The following GULP1 variants were observed in gnomAD, a reference collection of about 807,000 sequenced individuals.
The protein encoded by GULP1 is GULP PTB domain containing engulfment adaptor 1.
In GULP1, 19 loss-of-function variants were observed where a neutral mutation model predicts 40.9. The ratio of observed to expected loss-of-function variants is 0.46; its 90% CI spans 0.32 to 0.68. The LOEUF (loss-of-function observed/expected upper bound fraction) is 0.68. Among genes scored for constraint, GULP1 ranks in the 30% least tolerant of loss-of-function variants. The pLI, the probability that GULP1 is intolerant of heterozygous loss-of-function variation, is 0.03. For synonymous variants in GULP1, 119 were observed against 117.6 expected (o/e 1.01, Z -0.08); for missense variants, 312 against 362.2 (o/e 0.86, Z 1.12).
intron 2 of GULP1, among the ~76,000 whole-genome samples, chr2:188,457,500 T>C (rs913622139): frequency 2.0e-5 from 3 of 152,308 alleles, no homozygotes; most frequent in Non-Finnish European, 4.4e-5. Flanking sequence ...GCCATGATTG[T>C]GAGGCCTCCC....
chr2:188,305,097 G>A (rs2036827746), intron 1 of GULP1, among the ~76,000 whole-genome samples: 1 of 152,142 alleles, frequency 6.6e-6, no homozygotes, highest in African/African-American at 2.4e-5. Flanking sequence ...TCAAGCTGGA[G>A]TTCCCACGAT....
chr2:188,472,032 T>G (rs2060631045), intron 2 of GULP1, among the ~76,000 whole-genome samples: 1 of 152,236 alleles, frequency 6.6e-6, no homozygotes, highest in African/African-American at 2.4e-5. Context: ...ATATTTTCAC[T>G]GTATATACTA....
rs78542189 is a variant in GULP1, at chr2:188,409,758, C to T, written c.-45+25869C>T. 7.9e-3 allele frequency among the ~76,000 whole-genome samples: 1,205 copies of T among 152,168 alleles called. 3 individuals are homozygous for T. Among genetic ancestry groups the T allele is most frequent in the Middle Eastern group, 0.017 (5 of 294 alleles). On this transcript the variant is annotated intron_variant, in intron 2 of 11. Coordinates refer to ENST00000409830, the MANE Select transcript of GULP1 (RefSeq NM_016315.4). ...AACAGCATGTTAAAAGAATCATTCA[C>T]CATGATCAAGTGGGAATTTGTTTGG...
At chr2:188,572,060 A>G (rs568225762) in intron 9 of GULP1, among the ~76,000 whole-genome samples, 1 of 152,298 alleles carries the variant, frequency 6.6e-6, no homozygotes, top group South Asian at 2.1e-4. Flanking sequence ...TGCTCTGAGA[A>G]GAAGGTGGGT....
chr2:188,483,024 G>C (rs959443429), intron 3 of GULP1, among the ~76,000 whole-genome samples: 1 of 151,844 alleles, frequency 6.6e-6, no homozygotes, highest in Non-Finnish European at 1.5e-5. Context: ...TATTTGCAAA[G>C]AGTTAAAGAG....
chr2:188,514,762 A>G (rs2065009434), intron 4 of GULP1, among the ~76,000 whole-genome samples: 1 of 152,230 alleles, frequency 6.6e-6, no homozygotes, highest in South Asian at 2.1e-4. Context: ...GAGACTGTCA[A>G]TGAAATATTC....
intron 1 of GULP1, chr2:188,293,113 G>A (rs2034145930): frequency 6.6e-6 from 1 of 152,296 alleles, no homozygotes; most frequent in African/African-American, 2.4e-5. Context: ...GCGTGCCAAG[G>A]TAGAGTAAGG....
Position 188,323,864 on chromosome 2 carries a change from G to A in GULP1, c.-172+31698G>A, listed in dbSNP as rs73036447. On this transcript the variant is annotated intron_variant, in intron 1 of 11. Transcript: ENST00000409830. ...TTTTTAAGTGGAGGGGATTGCTGGC[G>A]TATCCTCTCAATTTTGCTCTCTCCT... Among the ~76,000 whole-genome samples the A allele has an allele frequency of 2.7e-3, 405 of 151,794 alleles. 2 individuals carry two copies. The highest frequency in any genetic ancestry group is 9.0e-3 in the African/African-American group (371 of 41,406).
intron 2 of GULP1, among the ~76,000 whole-genome samples, chr2:188,457,477 A>T (rs1401663617): frequency 6.6e-6 from 1 of 152,168 alleles, no homozygotes; most frequent in Non-Finnish European, 1.5e-5. Context: ...GTAGGATGTG[A>T]CTTGCTCCTG....
Position 188,480,456 on chromosome 2 carries a change from GT to G in GULP1, c.28+2736del, listed in dbSNP as rs548972577. 2.0e-3 allele frequency among the ~76,000 whole-genome samples: 300 copies of G among 147,618 alleles called. 1 individual carries two copies. The highest frequency in any genetic ancestry group is 3.2e-3 in the Non-Finnish European group (216 of 66,552). ...CCATCTTAAACCTAAACATAATTGT[GT>G]TTTTTTTTTAAATTAAATCTCCAAA... is the stretch of plus-strand genomic sequence containing the variant. On this transcript the variant is annotated intron_variant, in intron 3 of 11. Coordinates refer to ENST00000409830, the MANE Select transcript of GULP1 (RefSeq NM_016315.4).
intron 9 of GULP1, among the ~76,000 whole-genome samples, chr2:188,576,431 A>T (rs1034089742): frequency 5.3e-5 from 8 of 152,090 alleles, no homozygotes; most frequent in Admixed American, 5.2e-4. Context: ...TACCTTTAAT[A>T]TTTGCTTCCG....
chr2:188,358,977 T>G (rs2152350991), intron 1 of GULP1, among the ~76,000 whole-genome samples: 1 of 152,226 alleles, frequency 6.6e-6, no homozygotes, highest in African/African-American at 2.4e-5. Flanking sequence ...TATAGATTCT[T>G]TTTATTTTGG....
chr2:188,569,437 C>T (rs1576182885), intron 8 of GULP1, 82 bp downstream of exon 8: 1 of 800,320 alleles, frequency 1.2e-6, no homozygotes, highest in East Asian at 2.5e-5. Context: ...AATTTAGAAG[C>T]CCTGCCATTA....
At chr2:188,582,128 TA>T (rs555107916) in intron 9 of GULP1, among the ~76,000 whole-genome samples, 160 of 151,960 alleles carry the variant, frequency 1.1e-3, no homozygotes, top group African/African-American at 3.6e-3. Context: ...AATATTTCAG[TA>T]AAAAAAAGAT....
chr2:188,311,346 G>A (rs755034760), intron 1 of GULP1, among the ~76,000 whole-genome samples: 12 of 152,044 alleles, frequency 7.9e-5, no homozygotes, highest in South Asian at 2.1e-4. Flanking sequence ...ACAGGCATGC[G>A]CCACCGTGCC....
At chr2:188,582,482 C>G (rs1438113472) in intron 9 of GULP1, 2 of 471,684 alleles carry the variant, frequency 4.2e-6, no homozygotes, top group Non-Finnish European at 8.8e-6. Context: ...TGATTCCAGA[C>G]TATCACTGGG....
At position 188,595,075 on chromosome 2, in the gene GULP1, AC is replaced by A. The variant is rs1483359349; in HGVS notation, c.*1067del. 4.9e-5 allele frequency: 7 copies of A among 142,456 alleles called. No individual in the cohort carries two copies. In the East Asian group the frequency reaches 6.4e-4, roughly 13 times the overall value. The allele number at this position is 142,456 out of a possible 1,614,324, so 8.8% of individuals were successfully genotyped here. The stretch of plus-strand genomic sequence containing the variant: ...CTCATTTTCCAAAAAAAAAAAAAAA[AC>A]CCAGTTACTGCTCAGTTTAGTCTTG... On this transcript the variant is annotated 3_prime_UTR_variant, in exon 12 of 12. Coordinates refer to ENST00000409830, the MANE Select transcript of GULP1 (RefSeq NM_016315.4).
At position 188,322,779 on chromosome 2, in the gene GULP1, A is replaced by G. The variant is rs189885579; in HGVS notation, c.-172+30613A>G. Among the ~76,000 whole-genome samples the G allele has an allele frequency of 6.6e-5, 10 of 152,172 alleles. No homozygotes were observed. In the East Asian group the frequency reaches 1.7e-3, roughly 27 times the overall value. The stretch of plus-strand genomic sequence containing the variant: ...TCAAAGCCAGCCAGTGTGCATTCCC[A>G]CTACTTCCCTGACCCTGACTTTGGC... On this transcript the variant is annotated intron_variant, in intron 1 of 11. Coordinates refer to ENST00000409830, the MANE Select transcript of GULP1 (RefSeq NM_016315.4).
At chr2:188,397,103 GT>G (rs1200192979) in intron 2 of GULP1, among the ~76,000 whole-genome samples, 3 of 152,140 alleles carry the variant, frequency 2.0e-5, no homozygotes, top group Admixed American at 2.0e-4. Flanking sequence ...CAAAGCATCT[GT>G]GATTTCTTTC....
Sources: allele counts gnomAD v4.1 joint callset (sites outside exome capture counted in the v4.1 genomes callset), GRCh38; gene constraint gnomAD v4.1.1; transcripts MANE v1.5; gene names NCBI Gene and HGNC (gene_info 2026-07-23, HGNC 2026-07-21).